LIMCH1: variants seen among roughly 807,000 people sequenced by gnomAD.
The protein encoded by LIMCH1 is LIM and calponin homology domains 1.
LIMCH1 carries 113 observed loss-of-function variants against 176.5 expected under a neutral mutation model. The ratio of observed to expected loss-of-function variants is 0.64; its 90% CI spans 0.55 to 0.75. The LOEUF (loss-of-function observed/expected upper bound fraction) is 0.75, where lower values mean the gene tolerates loss of function less well. Among genes scored for constraint, LIMCH1 ranks in the 30% least tolerant of loss-of-function variants. The pLI is 0.00. For synonymous variants in LIMCH1, 619 were observed against 645.9 expected (o/e 0.96, Z 0.63); for missense variants, 1,674 against 1,814.9 (o/e 0.92, Z 1.41).
At chr4:41,571,241 T>G (rs991218097) in intron 1 of LIMCH1, among the ~76,000 whole-genome samples, 1 of 151,508 alleles carries the variant, frequency 6.6e-6, no homozygotes, top group Non-Finnish European at 1.5e-5. Flanking sequence ...AGAAGACTGG[T>G]GAGAAAAAGA....
intron 18 of LIMCH1, among the ~76,000 whole-genome samples, chr4:41,656,419 TAGATAA>T (rs1458873582): frequency 1.3e-5 from 2 of 152,202 alleles, no homozygotes; most frequent in African/African-American, 2.4e-5. Flanking sequence ...TAAAGATATT[TAGATAA>T]AGATAAAGAT....
At chr4:41,422,691 G>A (rs1248170040) in intron 1 of LIMCH1, among the ~76,000 whole-genome samples, 2 of 152,188 alleles carry the variant, frequency 1.3e-5, no homozygotes, top group East Asian at 1.9e-4. Flanking sequence ...TGTTTAGCTT[G>A]TGTGGCCAGA....
Position 41,620,708 on chromosome 4 carries a change from G to A in LIMCH1, c.725+18G>A. 1 of 1,513,582 alleles carries A rather than the reference G, an allele frequency of 6.6e-7. No individual in the cohort carries two copies. The highest frequency in any genetic ancestry group is 8.8e-7 in the Non-Finnish European group (1 of 1,134,672). The allele number at this position is 1,513,582 out of a possible 1,614,324, so 93.8% of individuals were successfully genotyped here. A position where few individuals can be genotyped will look rare whatever the true frequency, so the allele number is the denominator to read the frequency against. On this transcript the variant is annotated intron_variant, in intron 7 of 31. Transcript: ENST00000503057. ...TTTGCCAGGTCAGCTCTGGGCTGAG[G>A]GCTGGCCCGGCTGGCTTTCTGCATG... is the stretch of plus-strand genomic sequence containing the variant.
chr4:41,461,529 A>C (rs942420842), intron 1 of LIMCH1, among the ~76,000 whole-genome samples: 47 of 152,246 alleles, frequency 3.1e-4, no homozygotes, highest in Admixed American at 2.0e-3. Context: ...TTTGATACCT[A>C]ATTTTGGCCT....
intron 31 of LIMCH1, among the ~76,000 whole-genome samples, chr4:41,695,650 T>C (rs901616157): frequency 6.6e-6 from 1 of 152,148 alleles, no homozygotes; most frequent in Admixed American, 6.6e-5. Flanking sequence ...TTTCCAATTA[T>C]TTTTTTCCAA....
chr4:41,462,052 TCTCTTTGTATGATAAATAATTATAA>T (rs2065438936), intron 1 of LIMCH1, among the ~76,000 whole-genome samples: 1 of 152,160 alleles, frequency 6.6e-6, no homozygotes, highest in African/African-American at 2.4e-5. Context: ...TCTGCAAAGT[TCTCTTTGTATGATAAATAATTATAA>T]AGGGAACGGT....
chr4:41,457,316 T>C (rs2064734728), intron 1 of LIMCH1, among the ~76,000 whole-genome samples: 1 of 152,074 alleles, frequency 6.6e-6, no homozygotes, highest in Non-Finnish European at 1.5e-5. Context: ...TCTGGAGGCC[T>C]CTAGAAAGAG....
chr4:41,462,021 C>T lies in LIMCH1; in HGVS notation c.97-32515C>T, dbSNP rs544235710. ...TATTTAGCATTTTGGCCAGTGTTGC[C>T]AAAGGGGCTGCTGCTTGAAGTCTGC... On this transcript the variant is annotated intron_variant, in intron 1 of 26. Coordinates refer to the LIMCH1 transcript ENST00000313860. 2.6e-4 allele frequency among the ~76,000 whole-genome samples: 40 copies of T among 152,194 alleles called. 1 individual carries two copies. In the South Asian group the frequency reaches 8.1e-3, roughly 31 times the overall value.
chr4:41,367,123 A>G (rs531124248), intron 1 of LIMCH1, among the ~76,000 whole-genome samples: 1 of 152,312 alleles, frequency 6.6e-6, no homozygotes, highest in South Asian at 2.1e-4. Context: ...TGATCCAGTC[A>G]TCTCCCTGCA....
At chr4:41,388,192 A>G (rs1438847622) in intron 1 of LIMCH1, among the ~76,000 whole-genome samples, 3 of 152,226 alleles carry the variant, frequency 2.0e-5, no homozygotes, top group African/African-American at 7.2e-5. Flanking sequence ...GCCTACAATA[A>G]CTTGCTCATG....
At chr4:41,498,868 C>T (rs867003180) in intron 2 of LIMCH1, among the ~76,000 whole-genome samples, 3 of 151,636 alleles carry the variant, frequency 2.0e-5, no homozygotes, top group Admixed American at 6.6e-5. Flanking sequence ...AAATTATGGC[C>T]CTTGGCCTTT....
At chr4:41,576,458 T>G (rs2084479713) in intron 1 of LIMCH1, among the ~76,000 whole-genome samples, 1 of 152,188 alleles carries the variant, frequency 6.6e-6, no homozygotes, top group Non-Finnish European at 1.5e-5. Flanking sequence ...AGTGTTATAA[T>G]TTACAGATAC....
chr4:41,417,609 C>T (rs980682458), intron 1 of LIMCH1, among the ~76,000 whole-genome samples: 15 of 152,156 alleles, frequency 9.9e-5, no homozygotes, highest in African/African-American at 3.6e-4. Context: ...CAATCTCCAC[C>T]TCCTGGGCTC....
chr4:41,480,196 G>A lies in LIMCH1; in HGVS notation c.97-14340G>A, dbSNP rs185599716. ...AAGGAAGCAGGCTCAGAGATGTGAA[G>A]CCATTTGTCCAGTTCCCAAGTGCCA... On this transcript the variant is annotated intron_variant, in intron 1 of 26. Coordinates refer to the LIMCH1 transcript ENST00000313860. 1.2e-4 allele frequency among the ~76,000 whole-genome samples: 19 copies of A among 152,314 alleles called. No individual in the cohort carries two copies. In the East Asian group the frequency reaches 3.5e-3, roughly 28 times the overall value.
chr4:41,521,362 C>A (rs1286845470), intron 2 of LIMCH1, among the ~76,000 whole-genome samples: 2 of 152,060 alleles, frequency 1.3e-5, no homozygotes, highest in East Asian at 3.9e-4. Context: ...CTCTACAGGG[C>A]AGGACTTTTG....
At chr4:41,546,394 C>T (rs1159671239) in intron 1 of LIMCH1, among the ~76,000 whole-genome samples, 1 of 152,106 alleles carries the variant, frequency 6.6e-6, no homozygotes, top group Non-Finnish European at 1.5e-5. Context: ...CTCTCTCAGC[C>T]TCCCAAAGTG....
intron 1 of LIMCH1, among the ~76,000 whole-genome samples, chr4:41,474,740 A>T (rs1212597930): frequency 6.6e-6 from 1 of 152,354 alleles, no homozygotes; most frequent in South Asian, 2.1e-4. Context: ...GTAAATTAGT[A>T]TAGCCATTTT....
At chr4:41,625,122 A>G (rs2092856083) in intron 7 of LIMCH1, among the ~76,000 whole-genome samples, 1 of 152,172 alleles carries the variant, frequency 6.6e-6, no homozygotes, top group Non-Finnish European at 1.5e-5. Flanking sequence ...CCCCTTGAGT[A>G]TACTTTAATT....
chr4:41,389,538 C>A, intron 1 of LIMCH1: 1 of 162,966 alleles, frequency 6.1e-6, no homozygotes, highest in South Asian at 1.7e-4. Context: ...GGCTACCACC[C>A]TCATGACTTC....
Sources: allele counts gnomAD v4.1 joint callset (sites outside exome capture counted in the v4.1 genomes callset), GRCh38; gene constraint gnomAD v4.1.1; transcripts MANE v1.5; gene names NCBI Gene and HGNC (gene_info 2026-07-23, HGNC 2026-07-21).